Variants in FAM53A observed in about 807,000 individuals in gnomAD.
FAM53A encodes family with sequence similarity 53 member A.
Under a neutral mutation model 26.6 loss-of-function variants are expected in FAM53A, and 28 were observed. The observed-to-expected ratio is 1.05, with a 90% CI of 0.78 to 1.45. The LOEUF is 1.45. FAM53A is among the 40% of genes most tolerant of loss of function. FAM53A has a pLI of 0.00. For synonymous variants in FAM53A, 290 were observed against 253.1 expected (o/e 1.15, Z -1.38); for missense variants, 650 against 575.8 (o/e 1.13, Z -1.32).
At chr4:1,634,914 T>A (rs902594297), downstream of FAM53A, among the ~76,000 whole-genome samples, 71 of 149,088 alleles carry the variant, frequency 4.8e-4, no homozygotes, top group African/African-American at 1.5e-3. Context: ...AAAAAAAAAA[T>A]AAAAAAATAA....
chr4:1,633,218 G>A (rs1715690257), intron 1 of FAM53A, among the ~76,000 whole-genome samples: 1 of 152,224 alleles, frequency 6.6e-6, no homozygotes. Context: ...TCCAAACGGT[G>A]AAACACTCAC....
At chr4:1,663,814 T>A (rs1714030028) in intron 2 of FAM53A, among the ~76,000 whole-genome samples, 1 of 149,146 alleles carries the variant, frequency 6.7e-6, no homozygotes, top group South Asian at 2.1e-4. Context: ...ACCAAAAACA[T>A]TCACAAATTA....
chr4:1,623,164 C>T (rs28743048), intron 1 of FAM53A, among the ~76,000 whole-genome samples: 86,356 of 152,086 alleles, frequency 0.57, 26,005 homozygotes, highest in African/African-American at 0.77. Flanking sequence ...CAGCAGTCCA[C>T]GGCCAGGGCC....
intron 4 of FAM53A, among the ~76,000 whole-genome samples, chr4:1,647,834 T>C (rs1712384959): frequency 6.6e-6 from 1 of 152,176 alleles, no homozygotes; most frequent in Non-Finnish European, 1.5e-5. Flanking sequence ...AATTGTCCGG[T>C]AACACACAAT....
At chr4:1,632,157 C>T in intron 1 of FAM53A, among the ~76,000 whole-genome samples, 1 of 129,040 alleles carries the variant, frequency 7.7e-6, no homozygotes, top group Non-Finnish European at 1.7e-5. Context: ...CAGTAAGATT[C>T]CATCTCAAAA....
At chr4:1,652,397 C>CACACCAT (rs1712927235) in intron 4 of FAM53A, among the ~76,000 whole-genome samples, 1 of 146,986 alleles carries the variant, frequency 6.8e-6, no homozygotes, top group African/African-American at 2.5e-5. Flanking sequence ...ATGCACACCA[C>CACACCAT]ACACACCAGA....
At chr4:1,651,950 GAC>G (rs376094115) in intron 4 of FAM53A, among the ~76,000 whole-genome samples, 2 of 148,516 alleles carry the variant, frequency 1.3e-5, no homozygotes, top group African/African-American at 5.0e-5. Flanking sequence ...CTATGCATCA[GAC>G]ACACACACAC....
At chr4:1,681,547 A>C (rs1255401969) in intron 1 of FAM53A, among the ~76,000 whole-genome samples, 1 of 150,020 alleles carries the variant, frequency 6.7e-6, no homozygotes, top group East Asian at 1.9e-4. Context: ...TTTGACATGA[A>C]GCCTCTCTCT....
At chr4:1,583,420 C>T in the FAM53A span, among the ~76,000 whole-genome samples, 1 of 152,230 alleles carries the variant, frequency 6.6e-6, no homozygotes, top group Non-Finnish European at 1.5e-5. Context: ...AGTCTCGTGT[C>T]TCCCTTGGGG....
the FAM53A span, among the ~76,000 whole-genome samples, chr4:1,575,624 G>C: frequency 1.3e-5 from 2 of 152,240 alleles, no homozygotes; most frequent in East Asian, 1.9e-4. Context: ...CTGTCCAGCA[G>C]GGGGAGGGAG....
chr4:1,601,148 C>T, the FAM53A span, among the ~76,000 whole-genome samples: 26 of 152,250 alleles, frequency 1.7e-4, no homozygotes, highest in East Asian at 4.5e-3. Flanking sequence ...AGACCCTGTC[C>T]GCTGAGTCAG....
intron 2 of FAM53A, among the ~76,000 whole-genome samples, chr4:1,667,771 A>G (rs1714340392): frequency 6.6e-6 from 1 of 152,190 alleles, no homozygotes; most frequent in African/African-American, 2.4e-5. Flanking sequence ...AGCCAGGCCC[A>G]GGATAGGCAG....
At chr4:1,608,076 C>T in the FAM53A span, among the ~76,000 whole-genome samples, 1 of 152,170 alleles carries the variant, frequency 6.6e-6, no homozygotes, top group Non-Finnish European at 1.5e-5. Flanking sequence ...TGGGCCACTG[C>T]ATTCCAGCCT....
At chr4:1,638,703 C>T (rs1715961153), downstream of FAM53A, among the ~76,000 whole-genome samples, 8 of 152,278 alleles carry the variant, frequency 5.3e-5, no homozygotes, top group South Asian at 1.2e-3. Flanking sequence ...TGACTGCACA[C>T]GTAAACCCCA....
chr4:1,607,324 GT>G, the FAM53A span, among the ~76,000 whole-genome samples: 469 of 144,108 alleles, frequency 3.3e-3, 1 homozygote, highest in Middle Eastern at 0.018. Context: ...CAGCCTCTGG[GT>G]TTTTTTTTTT....
At chr4:1,604,903 C>G in the FAM53A span, among the ~76,000 whole-genome samples, 1 of 152,192 alleles carries the variant, frequency 6.6e-6, no homozygotes, top group East Asian at 1.9e-4. Context: ...CTCCCAGGAC[C>G]TCAACTCCCC....
rs1466549342 is a variant in FAM53A, at chr4:1,640,374, C to A, written c.*919G>T. On this transcript the variant is annotated 3_prime_UTR_variant, in exon 5 of 5. Coordinates refer to ENST00000308132, the MANE Select transcript of FAM53A (RefSeq NM_001174070.3). ...ACACACGGGGCCAGTGGGACTCTGA[C>A]CACCAACGCCCGGGGTTTCCTAGCA... 1 of 254,778 alleles carries A rather than the reference C, an allele frequency of 3.9e-6. No homozygotes were observed. The highest frequency in any genetic ancestry group is 7.5e-6 in the Non-Finnish European group (1 of 133,908). 15.8% of individuals were successfully genotyped at this position (254,778 alleles called of 1,614,324 possible).
downstream of FAM53A, among the ~76,000 whole-genome samples, chr4:1,617,100 GCACTCCA>G: frequency 6.6e-6 from 1 of 150,694 alleles, no homozygotes; most frequent in African/African-American, 2.5e-5. Flanking sequence ...TAGCACCACT[GCACTCCA>G]GGCAACAGAG....
the FAM53A span, among the ~76,000 whole-genome samples, chr4:1,593,513 T>C: frequency 6.6e-6 from 1 of 152,294 alleles, no homozygotes; most frequent in African/African-American, 2.4e-5. Flanking sequence ...GTATCCAGCT[T>C]GTATCAGCTG....
Sources: allele counts gnomAD v4.1 joint callset (sites outside exome capture counted in the v4.1 genomes callset), GRCh38; gene constraint gnomAD v4.1.1; transcripts MANE v1.5; gene names NCBI Gene and HGNC (gene_info 2026-07-23, HGNC 2026-07-21).